The following RALGAPA1 variants were observed in gnomAD, a reference collection of about 807,000 sequenced individuals.
The protein encoded by RALGAPA1 is Ral GTPase activating protein catalytic subunit alpha 1, also known as ral GTPase-activating protein subunit alpha-1.
RALGAPA1 carries 52 observed loss-of-function variants against 269.6 expected under a neutral mutation model. The observed-to-expected ratio is 0.19, with a 90% confidence interval of 0.15 to 0.24. The LOEUF is 0.24. Ranked by LOEUF, RALGAPA1 falls within the 10% of genes least tolerant of loss-of-function variation. The pLI is 1.00. For missense variants in RALGAPA1, 1,917 were observed against 3,013.9 expected (o/e 0.64, Z 8.52); for synonymous variants, 817 against 1,008.3 (o/e 0.81, Z 3.60).
chr14:35,789,525 T>G (rs926010592), intron 1 of RALGAPA1, among the ~76,000 whole-genome samples: 1 of 151,838 alleles, frequency 6.6e-6, no homozygotes, highest in Non-Finnish European at 1.5e-5. Context: ...CTGGAAGGTG[T>G]AAGTTGCAGT....
chr14:35,739,186 A>G (rs1001274261), intron 11 of RALGAPA1, among the ~76,000 whole-genome samples: 1 of 152,232 alleles, frequency 6.6e-6, no homozygotes, highest in African/African-American at 2.4e-5. Flanking sequence ...GAGTTCCCTC[A>G]GTTAAAAAGT....
intron 41 of RALGAPA1, among the ~76,000 whole-genome samples, chr14:35,546,924 TAA>T (rs1454778513): frequency 6.6e-6 from 1 of 152,114 alleles, no homozygotes; most frequent in Admixed American, 6.5e-5. Context: ...TTGCTACTCT[TAA>T]GAGTAAATAT....
At chr14:35,607,107 ATTAT>A (rs953864313) in intron 35 of RALGAPA1, among the ~76,000 whole-genome samples, 1 of 152,234 alleles carries the variant, frequency 6.6e-6, no homozygotes, top group Non-Finnish European at 1.5e-5. Context: ...AATTTAAAAC[ATTAT>A]TTAAAGTCCC....
Position 35,728,371 on chromosome 14 carries a change from T to G in RALGAPA1, c.1727A>C (p.Lys576Thr). 1 of 1,563,648 alleles carries G rather than the reference T, an allele frequency of 6.4e-7. No individual in the cohort carries two copies. The highest frequency in any genetic ancestry group is 8.6e-7 in the Non-Finnish European group (1 of 1,158,790). ...RYMVVQVSMD[K>T]KTWEQMLLVL... ...ATAAAAATTTTTTTACCAAGTCTTT[T>G]TGTCCATTGATACTTGTACAACCAT... The change falls in exon 13 of 42, where the codon AAA becomes ACA. Residue 576 changes from lysine (K) to threonine (T), a missense_variant. Physicochemically the swap from Lys to Thr is moderately conservative, Grantham distance 78 (BLOSUM62 -1). Coordinates refer to ENST00000680220, the MANE Select transcript of RALGAPA1 (RefSeq NM_001346249.2).
chr14:35,595,176 G>A (rs1365251455), intron 37 of RALGAPA1, among the ~76,000 whole-genome samples: 1 of 151,642 alleles, frequency 6.6e-6, no homozygotes, highest in Admixed American at 6.6e-5. Flanking sequence ...TTGGGACAAG[G>A]AGCTCAAAGG....
At chr14:35,767,635 C>G (rs1197923926) in intron 4 of RALGAPA1, among the ~76,000 whole-genome samples, 1 of 152,048 alleles carries the variant, frequency 6.6e-6, no homozygotes, top group East Asian at 1.9e-4. Context: ...TTGCAGTGAG[C>G]CAAGACAGCG....
intron 36 of RALGAPA1, among the ~76,000 whole-genome samples, chr14:35,600,323 G>A (rs1179376212): frequency 5.0e-5 from 7 of 139,744 alleles, no homozygotes; most frequent in Admixed American, 7.5e-5. Flanking sequence ...CTCCACCTCC[G>A]GGACTCAAGC....
At chr14:35,728,969 A>C (rs538456235) in intron 12 of RALGAPA1, among the ~76,000 whole-genome samples, 7 of 152,210 alleles carry the variant, frequency 4.6e-5, no homozygotes, top group African/African-American at 1.7e-4. Flanking sequence ...TCCTGGCCTC[A>C]AGTGATCTGC....
chr14:35,758,212 C>A (rs1297795064), intron 6 of RALGAPA1, among the ~76,000 whole-genome samples: 1 of 142,418 alleles, frequency 7.0e-6, no homozygotes, highest in East Asian at 2.1e-4. Context: ...CCACTGCACT[C>A]CAGCCTGGGC....
chr14:35,644,061 A>G (rs2062213436), intron 31 of RALGAPA1, among the ~76,000 whole-genome samples: 1 of 152,258 alleles, frequency 6.6e-6, no homozygotes, highest in African/African-American at 2.4e-5. Context: ...TGTAACACAC[A>G]GAAAGGATAA....
intron 39 of RALGAPA1, among the ~76,000 whole-genome samples, chr14:35,569,929 C>T (rs753964907): frequency 2.0e-5 from 3 of 152,074 alleles, no homozygotes; most frequent in African/African-American, 4.8e-5. Context: ...GAGTACCTGA[C>T]ACATAATGGG....
chr14:35,673,115 TC>T, intron 24 of RALGAPA1, 93 bp from the exon 25 acceptor site: 1 of 1,228,764 alleles, frequency 8.1e-7, no homozygotes, highest in Non-Finnish European at 1.1e-6. Context: ...GTATATAATC[TC>T]ATTTATTTCC....
intron 39 of RALGAPA1, among the ~76,000 whole-genome samples, chr14:35,560,707 G>A (rs1223913896): frequency 6.6e-6 from 1 of 152,120 alleles, no homozygotes; most frequent in Non-Finnish European, 1.5e-5. Flanking sequence ...AGTCATTTTT[G>A]TGAGCTCCCA....
chr14:35,567,565 T>C, intron 39 of RALGAPA1, among the ~76,000 whole-genome samples: 1 of 152,076 alleles, frequency 6.6e-6, no homozygotes, highest in East Asian at 1.9e-4. Flanking sequence ...GAGTTAAAAA[T>C]TAATGCTTTC....
chr14:35,660,598 T>C lies in RALGAPA1; in HGVS notation c.5329-1402A>G, dbSNP rs1399396282. ...CAAAGCAATCCTACTTCTGGGTATA[T>C]ATATCCAAAGGAAATGAAATTAGCA... On this transcript the variant is annotated intron_variant, in intron 27 of 41. Coordinates refer to ENST00000680220, the MANE Select transcript of RALGAPA1 (RefSeq NM_001346249.2). Among the ~76,000 whole-genome samples the C allele has an allele frequency of 1.5e-4, 23 of 152,134 alleles. 1 individual carries two copies. Among genetic ancestry groups the C allele is most frequent in the Admixed American group, 1.4e-3 (22 of 15,268 alleles).
intron 4 of RALGAPA1, among the ~76,000 whole-genome samples, chr14:35,768,911 G>C (rs1485208493): frequency 4.7e-5 from 7 of 148,586 alleles, no homozygotes; most frequent in African/African-American, 1.7e-4. Context: ...GGGAGGCTGA[G>C]GCAGGAAGAT....
intron 41 of RALGAPA1, chr14:35,541,643 A>G: frequency 2.3e-6 from 1 of 439,668 alleles, no homozygotes; most frequent in Non-Finnish European, 4.6e-6. Flanking sequence ...CTGCAGATGG[A>G]TGGCAGAAGG....
intron 36 of RALGAPA1, among the ~76,000 whole-genome samples, chr14:35,604,130 G>A (rs960221005): frequency 2.0e-5 from 3 of 152,070 alleles, no homozygotes; most frequent in Admixed American, 1.3e-4. Context: ...CAATTATTAT[G>A]TAGCAATAAA....
intron 25 of RALGAPA1, among the ~76,000 whole-genome samples, chr14:35,671,970 C>T (rs948684391): frequency 3.3e-5 from 5 of 152,132 alleles, no homozygotes; most frequent in Non-Finnish European, 7.4e-5. Context: ...AGGTATCAAG[C>T]CTCAGAAATC....
Sources: allele counts gnomAD v4.1 joint callset (sites outside exome capture counted in the v4.1 genomes callset), GRCh38; gene constraint gnomAD v4.1.1; transcripts MANE v1.5; gene names NCBI Gene and HGNC (gene_info 2026-07-23, HGNC 2026-07-21).